TRPC1: variants seen among roughly 807,000 people sequenced by gnomAD.
The protein encoded by TRPC1 is transient receptor potential cation channel subfamily C member 1.
Under a neutral mutation model 88.2 loss-of-function variants are expected in TRPC1, and 42 were observed. That is an observed-to-expected ratio of 0.48 (90% CI 0.37 to 0.62). TRPC1 has a LOEUF of 0.62. Among genes scored for constraint, TRPC1 ranks in the 20% least tolerant of loss-of-function variants. The pLI is 0.00. For missense variants in TRPC1, 699 were observed against 957.3 expected (o/e 0.73, Z 3.56); for synonymous variants, 288 against 331.8 (o/e 0.87, Z 1.43).
intron 9 of TRPC1, among the ~76,000 whole-genome samples, chr3:142,795,978 G>C (rs1036674024): frequency 1.3e-5 from 2 of 152,024 alleles, no homozygotes; most frequent in African/African-American, 4.8e-5. Context: ...GTACATAATT[G>C]TGGTAATAAT....
In TRPC1 at chr3:142,769,110, A is replaced by G. The variant is rs1038196011; in HGVS notation, c.633-8522A>G. ...AAATTCTGTTAGTATTTATCTGGGA[A>G]AATTTTTATTTCACCTTCACTTTTT... On this transcript the variant is annotated intron_variant, in intron 4 of 12. Coordinates refer to ENST00000476941, the MANE Select transcript of TRPC1 (RefSeq NM_001251845.2). 2.6e-5 allele frequency among the ~76,000 whole-genome samples: 4 copies of G among 152,262 alleles called. No homozygotes were observed. In the South Asian group the frequency reaches 8.3e-4, roughly 32 times the overall value.
rs761343174 is a variant in TRPC1, at chr3:142,802,225, T to G, written c.1638T>G (p.Leu546=). Residue 546 remains leucine, a synonymous_variant, in exon 10 of 13, where the codon CTT becomes CTG. Coordinates refer to ENST00000476941, the MANE Select transcript of TRPC1 (RefSeq NM_001251845.2). ...GAAAATTTCTTGGGATGTTTCTTCT[T>G]GTTTTGTTTTCTTTCACAATTGGAC... ...DFGKFLGMFL[L]VLFSFTIGLT... is the part of the protein sequence containing the mutation. 1.1e-4 allele frequency: 176 copies of G among 1,595,934 alleles called. 3 individuals are homozygous for G. The highest frequency in any genetic ancestry group is 4.3e-4 in the South Asian group (37 of 86,710).
chr3:142,787,731 T>C (rs537196156), intron 7 of TRPC1, among the ~76,000 whole-genome samples: 57 of 151,982 alleles, frequency 3.8e-4, no homozygotes, highest in Non-Finnish European at 7.2e-4. Flanking sequence ...TATGGAAAAA[T>C]GAAAACTCAA....
rs1430257463 is a variant in TRPC1 at position 142,792,160 on chromosome 3, T to C, written c.1438-664T>C. Among the ~76,000 whole-genome samples, 1 of 152,092 alleles carries C rather than the reference T, an allele frequency of 6.6e-6. No homozygotes were observed. The highest frequency in any genetic ancestry group is 1.5e-5 in the Non-Finnish European group (1 of 67,952). ...AAATTACTAAGAAAATGAAAATTGG[T>C]CATATATAGATAAATGGTTTGATAA... On this transcript the variant is annotated intron_variant, in intron 8 of 12. Transcript: ENST00000476941. This position sits in a 1 kb window ranked among gnomAD's most constrained non-coding sequence, Gnocchi z 4.0.
At chr3:142,766,965 T>G (rs1935416218) in intron 4 of TRPC1, among the ~76,000 whole-genome samples, 1 of 152,230 alleles carries the variant, frequency 6.6e-6, no homozygotes, top group African/African-American at 2.4e-5. Flanking sequence ...CAAATAAAGT[T>G]TGAAATCAGT....
chr3:142,789,294 A>G (rs866508066), intron 7 of TRPC1, among the ~76,000 whole-genome samples: 1 of 152,150 alleles, frequency 6.6e-6, no homozygotes, highest in African/African-American at 2.4e-5. Context: ...GAAAGCTTTC[A>G]TCCCTACTCC....
chr3:142,734,068 T>A (rs1934033704), intron 1 of TRPC1, among the ~76,000 whole-genome samples: 1 of 152,164 alleles, frequency 6.6e-6, no homozygotes. Flanking sequence ...GAAAAACCAA[T>A]CTACCAGCAC....
chr3:142,749,846 T>C (rs1028623269), intron 4 of TRPC1, among the ~76,000 whole-genome samples: 7 of 152,132 alleles, frequency 4.6e-5, no homozygotes, highest in Admixed American at 4.6e-4. Flanking sequence ...TTAATAAATA[T>C]GTTGGGAAAA....
intron 7 of TRPC1, chr3:142,785,256 A>G (rs2108126792): frequency 2.6e-6 from 1 of 389,996 alleles, no homozygotes; most frequent in African/African-American, 2.1e-5. Flanking sequence ...CTCTTATTTA[A>G]TATTTCTTAA....
chr3:142,742,824 TTC>T, intron 2 of TRPC1, among the ~76,000 whole-genome samples: 1 of 152,242 alleles, frequency 6.6e-6, no homozygotes, highest in East Asian at 1.9e-4. Flanking sequence ...TCCTTACTTT[TTC>T]CTCTTTCGGA....
chr3:142,748,004 G>A (rs1213435842), intron 3 of TRPC1, among the ~76,000 whole-genome samples: 1 of 151,756 alleles, frequency 6.6e-6, no homozygotes, highest in African/African-American at 2.4e-5. Context: ...TTCTTTGTTG[G>A]AAAAAACAGA....
rs748271979 is a variant in TRPC1 at position 142,780,995 on chromosome 3, G to A, written c.926G>A (p.Arg309His). 17 of 1,612,526 alleles carry A rather than the reference G, an allele frequency of 1.1e-5. No homozygotes were observed. In the East Asian group the frequency reaches 1.6e-4, roughly 15 times the overall value. ...GLLEERMNLS[R>H]LKLAIKYNQK... Reference sequence around the variant, plus strand: ...TTAGAAGAAAGAATGAATTTAAGTCGTCTAAAACTTGCTATCAAATATAAC... The same window carrying A: ...TTAGAAGAAAGAATGAATTTAAGTCATCTAAAACTTGCTATCAAATATAAC... Residue 309 changes from arginine (R) to histidine (H), a missense_variant, in exon 6 of 13, where the codon CGT becomes CAT. Coordinates refer to ENST00000476941, the MANE Select transcript of TRPC1 (RefSeq NM_001251845.2).
At chr3:142,757,356 C>CAT (rs147723967) in intron 4 of TRPC1, among the ~76,000 whole-genome samples, 74,631 of 151,624 alleles carry the variant, frequency 0.49, 20,153 homozygotes, top group African/African-American at 0.73. Context: ...CACATGCACA[C>CAT]ATGTTTATTG....
intron 1 of TRPC1, among the ~76,000 whole-genome samples, chr3:142,728,053 G>T (rs1048061565): frequency 7.9e-5 from 12 of 151,900 alleles, no homozygotes; most frequent in Non-Finnish European, 8.8e-5. Context: ...TGCATAAACT[G>T]TTTGATTTGC....
intron 2 of TRPC1, among the ~76,000 whole-genome samples, chr3:142,737,632 A>G (rs1358727123): frequency 3.3e-5 from 5 of 152,102 alleles, no homozygotes; most frequent in Non-Finnish European, 7.4e-5. Context: ...CTGAGGGACA[A>G]TGGAAGGGGC....
At chr3:142,747,987 T>C (rs1305693391) in intron 3 of TRPC1, among the ~76,000 whole-genome samples, 1 of 152,202 alleles carries the variant, frequency 6.6e-6, no homozygotes, top group Non-Finnish European at 1.5e-5. Context: ...TCTCTAGATA[T>C]TCTCACTTCT....
At chr3:142,786,458 GT>G (rs1416980093) in intron 7 of TRPC1, among the ~76,000 whole-genome samples, 1 of 152,118 alleles carries the variant, frequency 6.6e-6, no homozygotes, top group Non-Finnish European at 1.5e-5. Flanking sequence ...ATGCATTAAT[GT>G]TTAAAATTAG....
At chr3:142,786,072 T>C (rs1428945428) in intron 7 of TRPC1, among the ~76,000 whole-genome samples, 1 of 152,196 alleles carries the variant, frequency 6.6e-6, no homozygotes, top group Non-Finnish European at 1.5e-5. Context: ...GGGGTGCGTG[T>C]GGAGAGTTGA....
chr3:142,797,432 A>G (rs960015537), intron 9 of TRPC1, among the ~76,000 whole-genome samples: 1 of 152,074 alleles, frequency 6.6e-6, no homozygotes, highest in African/African-American at 2.4e-5. Flanking sequence ...TTAGTTCTGG[A>G]GGGGTGGTGA....
Sources: allele counts gnomAD v4.1 joint callset (sites outside exome capture counted in the v4.1 genomes callset), GRCh38; gene constraint gnomAD v4.1.1; non-coding constraint Gnocchi (gnomAD v3.1); transcripts MANE v1.5; gene names NCBI Gene and HGNC (gene_info 2026-07-23, HGNC 2026-07-21).